GAB1: variants seen among roughly 807,000 people sequenced by gnomAD.
The protein encoded by GAB1 is GRB2-associated-binding protein 1.
A neutral mutation model predicts 66.5 loss-of-function variants in GAB1; 19 were observed. That is an observed-to-expected ratio of 0.29 (90% CI 0.20 to 0.42). The LOEUF (loss-of-function observed/expected upper bound fraction) is 0.42. Ranked by LOEUF, GAB1 falls within the 10% of genes least tolerant of loss-of-function variation. The pLI, the probability that GAB1 is intolerant of heterozygous loss-of-function variation, is 1.00. For missense variants in GAB1, 732 were observed against 858.5 expected (o/e 0.85, Z 1.84); for synonymous variants, 294 against 301.4 (o/e 0.98, Z 0.25).
intron 6 of GAB1, among the ~76,000 whole-genome samples, chr4:143,450,323 T>C (rs1308209049): frequency 1.3e-5 from 2 of 152,180 alleles, no homozygotes; most frequent in Admixed American, 6.5e-5. Context: ...TGGGGATGCC[T>C]ACTGGAAGTA....
In GAB1 at chr4:143,415,913, T is replaced by C. The variant is rs932190120; in HGVS notation, c.367+142T>C. On this transcript the variant is annotated intron_variant, in intron 2 of 9. Coordinates refer to ENST00000262994, the MANE Select transcript of GAB1 (RefSeq NM_002039.4). ...GGAACTTGACATTTGGAAAAAGCAC[T>C]GAATCCTTTAATTAGTTTGGGGAGA... is the stretch of plus-strand genomic sequence containing the variant. The C allele has an allele frequency of 8.7e-6, 6 of 691,824 alleles. No individual in the cohort carries two copies. In the African/African-American group the frequency reaches 9.3e-5, roughly 11 times the overall value. The allele number at this position is 691,824 out of a possible 1,614,324, so 42.9% of individuals were successfully genotyped here. A position where few individuals can be genotyped will look rare whatever the true frequency, so the allele number is the denominator to read the frequency against.
chr4:143,385,948 G>A (rs1042726775), intron 1 of GAB1, among the ~76,000 whole-genome samples: 2 of 152,174 alleles, frequency 1.3e-5, no homozygotes, highest in South Asian at 2.1e-4. Context: ...AAGACAAGCC[G>A]GAGCAACATG....
At chr4:143,359,432 G>T (rs1257675157) in intron 1 of GAB1, among the ~76,000 whole-genome samples, 1 of 152,154 alleles carries the variant, frequency 6.6e-6, no homozygotes, top group Non-Finnish European at 1.5e-5. Context: ...GGCTAGACAA[G>T]TCCTGTTCTC....
intron 2 of GAB1, 137 bp from the exon 3 acceptor site, chr4:143,433,354 A>C: frequency 3.1e-6 from 2 of 650,418 alleles, no homozygotes; most frequent in South Asian, 3.7e-5. Flanking sequence ...CGCCATTTAG[A>C]TAGTGTTTGT....
intron 3 of GAB1, among the ~76,000 whole-genome samples, chr4:143,436,384 G>A (rs1733943332): frequency 6.6e-6 from 1 of 152,122 alleles, no homozygotes; most frequent in Non-Finnish European, 1.5e-5. Flanking sequence ...CACCCTGTAG[G>A]GGCCCTTACT....
chr4:143,337,305 A>G (rs1560706819), intron 1 of GAB1, 45 bp downstream of exon 1: 4 of 1,500,908 alleles, frequency 2.7e-6, no homozygotes, highest in Non-Finnish European at 3.6e-6. Flanking sequence ...CGGCGTCCAC[A>G]CCCCTCCCCA....
chr4:143,457,559 C>T (rs1452211332), intron 6 of GAB1: 3 of 508,300 alleles, frequency 5.9e-6, no homozygotes, highest in Non-Finnish European at 1.0e-5. Flanking sequence ...TTTGTTCATG[C>T]TTTTAGATGT....
At chr4:143,374,075 A>T (rs796314600) in intron 1 of GAB1, among the ~76,000 whole-genome samples, 14 of 151,634 alleles carry the variant, frequency 9.2e-5, no homozygotes, top group African/African-American at 3.4e-4. Context: ...TATTGACCTC[A>T]TTCTTCCTGG....
intron 1 of GAB1, among the ~76,000 whole-genome samples, chr4:143,356,087 G>GA (rs1729435177): frequency 6.6e-6 from 1 of 152,094 alleles, no homozygotes; most frequent in Non-Finnish European, 1.5e-5. Flanking sequence ...GGGCCGGGGG[G>GA]AGACTGGGAG....
At chr4:143,443,161 C>T (rs1373662901) in intron 6 of GAB1, among the ~76,000 whole-genome samples, 2 of 151,920 alleles carry the variant, frequency 1.3e-5, no homozygotes, top group Non-Finnish European at 2.9e-5. Flanking sequence ...GGACTACAGG[C>T]ACCTGCCACC....
chr4:143,458,637 A>T (rs920414917), intron 6 of GAB1, among the ~76,000 whole-genome samples: 1 of 152,058 alleles, frequency 6.6e-6, no homozygotes, highest in African/African-American at 2.4e-5. Flanking sequence ...TCTGTGGTAT[A>T]TATTGGTTTA....
intron 2 of GAB1, among the ~76,000 whole-genome samples, chr4:143,416,449 G>T (rs1363813107): frequency 6.6e-6 from 1 of 150,500 alleles, no homozygotes; most frequent in East Asian, 2.0e-4. Context: ...AATTCTTTAG[G>T]TGCTATTTAA....
chr4:143,450,501 T>C (rs1734861777), intron 6 of GAB1, among the ~76,000 whole-genome samples: 1 of 152,192 alleles, frequency 6.6e-6, no homozygotes, highest in Non-Finnish European at 1.5e-5. Context: ...ATCTATTTAA[T>C]TGAAATGTGA....
chr4:143,435,278 G>A (rs1733888376), intron 3 of GAB1, among the ~76,000 whole-genome samples: 1 of 152,090 alleles, frequency 6.6e-6, no homozygotes, highest in African/African-American at 2.4e-5. Context: ...GATTTTACCT[G>A]TAAGAGCAGA....
intron 1 of GAB1, among the ~76,000 whole-genome samples, chr4:143,365,875 A>G (rs1254319065): frequency 6.6e-6 from 1 of 152,256 alleles, no homozygotes; most frequent in African/African-American, 2.4e-5. Flanking sequence ...TTCTCCTGTC[A>G]GGCTTTTATT....
At chr4:143,456,072 C>T (rs775667189) in intron 6 of GAB1, among the ~76,000 whole-genome samples, 18 of 152,194 alleles carry the variant, frequency 1.2e-4, no homozygotes, top group Admixed American at 2.6e-4. Flanking sequence ...GGGCCTTTCA[C>T]TCCAAAATAA....
intron 3 of GAB1, chr4:143,433,998 T>C (rs1733811799): frequency 1.3e-6 from 1 of 743,780 alleles, no homozygotes; most frequent in Non-Finnish European, 2.0e-6. Context: ...TTGTAGTCTT[T>C]GTTACAGACT....
At chr4:143,364,092 G>A (rs2149659365) in intron 1 of GAB1, among the ~76,000 whole-genome samples, 1 of 151,806 alleles carries the variant, frequency 6.6e-6, no homozygotes, top group South Asian at 2.1e-4. Context: ...GGAGGCTGAG[G>A]CAGGAGAATC....
Position 143,470,691 on chromosome 4 carries a change from A to G in GAB1, c.*1502A>G, listed in dbSNP as rs1341360588. ...ACTTATAACAATTTTTGGAGGGGGC[A>G]TAGAGAAAGGAGTGCCCACAGTTGA... On this transcript the variant is annotated 3_prime_UTR_variant, in exon 10 of 10. Transcript: ENST00000262994. 2 of 152,234 alleles carry G rather than the reference A, an allele frequency of 1.3e-5. No individual in the cohort carries two copies. Among genetic ancestry groups the G allele is most frequent in the Non-Finnish European group, 2.9e-5 (2 of 68,046 alleles). 9.4% of individuals were successfully genotyped at this position (152,234 alleles called of 1,614,324 possible).
Sources: gnomAD v4.1 joint callset for allele counts (sites outside exome capture counted in the v4.1 genomes callset) on GRCh38, gnomAD v4.1.1 for gene constraint, MANE v1.5 for transcripts, NCBI Gene and HGNC (gene_info 2026-07-23, HGNC 2026-07-21) for gene names.